Variants in C4orf50 observed in about 807,000 individuals in gnomAD.
C4orf50 encodes the protein uncharacterized protein C4orf50.
In C4orf50, 80 loss-of-function variants were observed where a neutral mutation model predicts 77.2. The ratio of observed to expected loss-of-function variants is 1.04; its 90% CI spans 0.87 to 1.25. The LOEUF (loss-of-function observed/expected upper bound fraction) is 1.25. Among genes scored for constraint, C4orf50 ranks in the 50% most tolerant of loss-of-function variants. The pLI is 0.00. For missense variants in C4orf50, 1,257 were observed against 1,152.9 expected, an observed-to-expected ratio of 1.09 and a Z score of -1.31; for synonymous variants, 532 against 465.3, an observed-to-expected ratio of 1.14 and a Z score of -1.84.
At chr4:5,994,474 A>G (rs4993356) in exon 26 of C4orf50, 34,503 of 399,150 alleles carry the variant, frequency 0.086, 2,363 homozygotes, top group African/African-American at 0.25. Context: ...AGCCCAGAGC[A>G]TCCTGGAGGA....
intron 7 of C4orf50, among the ~76,000 whole-genome samples, chr4:5,940,341 GT>G (rs1718207528): frequency 1.3e-5 from 2 of 152,238 alleles, no homozygotes; most frequent in African/African-American, 4.8e-5. Flanking sequence ...TACTATTATG[GT>G]TTTCCTAGAA....
At chr4:5,906,998 T>C (rs1397887170) in intron 7 of C4orf50, among the ~76,000 whole-genome samples, 1 of 152,236 alleles carries the variant, frequency 6.6e-6, no homozygotes, top group African/African-American at 2.4e-5. Flanking sequence ...ATGAGGCAGA[T>C]CTTGGAAATC....
At chr4:5,917,328 A>G (rs1349468599) in intron 7 of C4orf50, among the ~76,000 whole-genome samples, 1 of 152,024 alleles carries the variant, frequency 6.6e-6, no homozygotes, top group East Asian at 1.9e-4. Context: ...ACTGAAAAAT[A>G]TACATGATCC....
chr4:5,959,492 G>A, exon 34 of C4orf50: 2 of 1,614,228 alleles, frequency 1.2e-6, no homozygotes, highest in East Asian at 4.5e-5. Context: ...AGGGTGCTGG[G>A]ACGTTATCGA....
intron 7 of C4orf50, among the ~76,000 whole-genome samples, chr4:5,936,760 C>G (rs1718043270): frequency 6.6e-6 from 1 of 151,990 alleles, no homozygotes; most frequent in Non-Finnish European, 1.5e-5. Flanking sequence ...GATACAAATT[C>G]TCAGATTCAG....
At chr4:5,921,287 G>A (rs1010861715) in intron 7 of C4orf50, among the ~76,000 whole-genome samples, 3 of 151,952 alleles carry the variant, frequency 2.0e-5, no homozygotes, top group Non-Finnish European at 2.9e-5. Flanking sequence ...CAGTCCTGCC[G>A]TGCAAGTGGA....
intron 7 of C4orf50, among the ~76,000 whole-genome samples, chr4:5,946,419 G>T (rs1404260412): frequency 6.9e-6 from 1 of 145,686 alleles, no homozygotes; most frequent in African/African-American, 2.4e-5. Context: ...TTCCCTTCTC[G>T]TTAAAGAATA....
intron 29 of C4orf50, among the ~76,000 whole-genome samples, chr4:5,977,480 T>C (rs1418554971): frequency 6.6e-6 from 1 of 152,230 alleles, no homozygotes; most frequent in African/African-American, 2.4e-5. Context: ...TCACTTTGTA[T>C]GTGATACAAA....
At chr4:5,989,239 T>C in exon 28 of C4orf50, 1 of 1,536,044 alleles carries the variant, frequency 6.5e-7, no homozygotes, top group Non-Finnish European at 8.7e-7. Context: ...CTGGCTTCTC[T>C]GTTTCTTCAA....
In C4orf50 at chr4:6,011,707, AC is replaced by A. The variant is rs1442462373; in HGVS notation, c.426+122del. 2.5e-6 allele frequency: 1 copy of A among 397,420 alleles called. No homozygotes were observed. The highest frequency in any genetic ancestry group is 4.4e-6 in the Non-Finnish European group (1 of 225,936). The allele number at this position is 397,420 out of a possible 1,614,324, so 24.6% of individuals were successfully genotyped here. A position where few individuals can be genotyped will look rare whatever the true frequency, so the allele number is the denominator to read the frequency against. ...GCACCATGAACGTAGGATCTCTCTA[AC>A]CCTCCTGACTGGGCTCTCCCAGGCC... On this transcript the variant is annotated intron_variant, in intron 24 of 33. Coordinates refer to ENST00000531445, the Ensembl canonical transcript of C4orf50. This position sits in a 1 kb window ranked among gnomAD's most constrained non-coding sequence, Gnocchi z 4.2.
intron 7 of C4orf50, chr4:5,898,191 G>C (rs925246241): frequency 6.6e-6 from 1 of 152,186 alleles, no homozygotes; most frequent in African/African-American, 2.4e-5. Context: ...AAGTGAACTT[G>C]CCAGCCTCGC....
intron 7 of C4orf50, chr4:5,898,454 G>A (rs12649002): frequency 0.38 from 58,160 of 151,780 alleles, 13,860 homozygotes; most frequent in East Asian, 0.74. Flanking sequence ...CTTACCCACT[G>A]TTTCCATGGA....
intron 7 of C4orf50, among the ~76,000 whole-genome samples, chr4:5,948,834 A>T: frequency 6.6e-6 from 1 of 151,142 alleles, no homozygotes. Flanking sequence ...GGTGGTGGAC[A>T]CCTGTATTCC....
intron 25 of C4orf50, among the ~76,000 whole-genome samples, chr4:6,001,050 G>C (rs1301817902): frequency 6.6e-6 from 1 of 152,144 alleles, no homozygotes; most frequent in Non-Finnish European, 1.5e-5. Flanking sequence ...CACACACACA[G>C]CCAAAGCAAG....
chr4:5,978,858 A>C (rs575405982), intron 29 of C4orf50, among the ~76,000 whole-genome samples: 286 of 152,382 alleles, frequency 1.9e-3, no homozygotes, highest in Non-Finnish European at 2.7e-3. Flanking sequence ...ACAAACAATC[A>C]TAGATTACCA....
chr4:6,013,028 A>C (rs1722548826), intron 23 of C4orf50, among the ~76,000 whole-genome samples: 1 of 152,222 alleles, frequency 6.6e-6, no homozygotes, highest in East Asian at 1.9e-4. Flanking sequence ...TGGCTCTGCC[A>C]TTCACCAGCC....
chr4:5,934,209 G>T (rs543586576), intron 7 of C4orf50, among the ~76,000 whole-genome samples: 3 of 152,140 alleles, frequency 2.0e-5, no homozygotes, highest in Admixed American at 1.3e-4. Flanking sequence ...GTAAGGCGAG[G>T]TGGACAGTGT....
At chr4:6,004,733 AGTGATGATG>A (rs1207700339) in intron 25 of C4orf50, among the ~76,000 whole-genome samples, 17 of 91,182 alleles carry the variant, frequency 1.9e-4, no homozygotes, top group African/African-American at 5.5e-4. Context: ...TGGTGATGAT[AGTGATGATG>A]GTGATGATGG....
At chr4:6,004,148 G>A (rs1722056521) in intron 25 of C4orf50, among the ~76,000 whole-genome samples, 1 of 45,586 alleles carries the variant, frequency 2.2e-5, no homozygotes, top group African/African-American at 8.2e-5. Flanking sequence ...TGGTGATGAT[G>A]GTGATGGTGA....
Sources: allele counts gnomAD v4.1 joint callset (sites outside exome capture counted in the v4.1 genomes callset), GRCh38; gene constraint gnomAD v4.1.1; non-coding constraint Gnocchi (gnomAD v3.1); transcripts MANE v1.5; gene names NCBI Gene and HGNC (gene_info 2026-07-23, HGNC 2026-07-21).